CCDC178: variants seen among roughly 807,000 people sequenced by gnomAD.
CCDC178 encodes coiled-coil domain containing 178, also known as coiled-coil domain-containing protein 178.
CCDC178 carries 126 observed loss-of-function variants against 117.4 expected under a neutral mutation model. That is an observed-to-expected ratio of 1.07 (90% confidence interval 0.93 to 1.24). CCDC178 has a LOEUF of 1.24. CCDC178 is among the 50% of genes most tolerant of loss of function. The probability of loss-of-function intolerance (pLI) is 0.00; values close to 1 mark genes in which losing one functional copy is unlikely to be tolerated. For missense variants in CCDC178, 1,030 were observed against 986.9 expected, an observed-to-expected ratio of 1.04 and a Z score of -0.59; for synonymous variants, 283 against 313.4, an observed-to-expected ratio of 0.90 and a Z score of 1.02.
At chr18:33,304,905 CAT>C (rs1227731161) in intron 11 of CCDC178, among the ~76,000 whole-genome samples, 7 of 152,152 alleles carry the variant, frequency 4.6e-5, no homozygotes, top group Admixed American at 2.6e-4. Flanking sequence ...CCAGAAAAGA[CAT>C]AAACATTCCT....
chr18:33,263,886 C>T (rs1044221949), intron 14 of CCDC178, among the ~76,000 whole-genome samples: 1 of 151,594 alleles, frequency 6.6e-6, no homozygotes, highest in Non-Finnish European at 1.5e-5. Flanking sequence ...AAATAGTGTT[C>T]AGAAGCAAGT....
intron 20 of CCDC178, among the ~76,000 whole-genome samples, chr18:33,177,781 A>T (rs1353425232): frequency 1.3e-5 from 2 of 151,994 alleles, no homozygotes; most frequent in African/African-American, 4.8e-5. Flanking sequence ...TGATCTATTA[A>T]TTATCTCTAG....
At chr18:33,248,097 T>TA (rs1377858628) in intron 14 of CCDC178, among the ~76,000 whole-genome samples, 3 of 151,740 alleles carry the variant, frequency 2.0e-5, no homozygotes, top group South Asian at 2.1e-4. Context: ...ATATTAAAGA[T>TA]ACTTATTAAG....
chr18:33,347,278 G>A (rs1284057368), intron 8 of CCDC178, among the ~76,000 whole-genome samples: 1 of 152,126 alleles, frequency 6.6e-6, no homozygotes, highest in East Asian at 1.9e-4. Flanking sequence ...CAAGAAGAAA[G>A]AAAACGAATA....
intron 21 of CCDC178, among the ~76,000 whole-genome samples, chr18:33,023,783 A>T (rs1391073371): frequency 1.3e-5 from 2 of 152,162 alleles, no homozygotes; most frequent in African/African-American, 4.8e-5. Flanking sequence ...AAAGATCTAA[A>T]TATATCTCTA....
chr18:33,048,091 AC>A (rs769511461), intron 21 of CCDC178, among the ~76,000 whole-genome samples: 28 of 152,180 alleles, frequency 1.8e-4, no homozygotes, highest in Non-Finnish European at 3.7e-4. Context: ...TAGTGAAAAG[AC>A]AGAGAAAGAA....
chr18:33,129,610 G>C (rs899132699), intron 20 of CCDC178, among the ~76,000 whole-genome samples: 1 of 151,822 alleles, frequency 6.6e-6, no homozygotes, highest in Non-Finnish European at 1.5e-5. Context: ...CTTGGATATG[G>C]TCCCATTAGA....
intron 21 of CCDC178, among the ~76,000 whole-genome samples, chr18:32,992,818 T>C (rs1467232428): frequency 6.6e-6 from 1 of 152,096 alleles, no homozygotes; most frequent in South Asian, 2.1e-4. Context: ...AAAATATAAT[T>C]AAAAACGTAA....
intron 20 of CCDC178, among the ~76,000 whole-genome samples, chr18:33,167,260 T>G (rs2058544190): frequency 6.6e-6 from 1 of 152,182 alleles, no homozygotes; most frequent in South Asian, 2.1e-4. Context: ...TGTGTCTTTA[T>G]GGTAGAGTGA....
At chr18:33,135,205 T>C (rs1431048768) in intron 20 of CCDC178, among the ~76,000 whole-genome samples, 6 of 152,078 alleles carry the variant, frequency 3.9e-5, no homozygotes, top group Non-Finnish European at 7.4e-5. Context: ...CTTGGATTTA[T>C]TGGCACAGTG....
At chr18:33,021,269 G>T (rs2056110941) in intron 21 of CCDC178, among the ~76,000 whole-genome samples, 1 of 152,196 alleles carries the variant, frequency 6.6e-6, no homozygotes, top group African/African-American at 2.4e-5. Flanking sequence ...ACATGAAGCA[G>T]TTCTCAATGG....
At chr18:32,997,701 T>G (rs1300152239) in intron 21 of CCDC178, among the ~76,000 whole-genome samples, 1 of 152,102 alleles carries the variant, frequency 6.6e-6, no homozygotes, top group Admixed American at 6.6e-5. Flanking sequence ...ATATTATCTA[T>G]CTATTCGTCT....
chr18:33,342,580 C>T (rs2062830430), intron 9 of CCDC178, among the ~76,000 whole-genome samples: 2 of 152,138 alleles, frequency 1.3e-5, no homozygotes, highest in South Asian at 2.1e-4. Context: ...TTTCTATTCA[C>T]CCTTTTGTAT....
intron 3 of CCDC178, among the ~76,000 whole-genome samples, chr18:33,411,290 T>C (rs1368571915): frequency 6.6e-6 from 1 of 152,204 alleles, no homozygotes; most frequent in Non-Finnish European, 1.5e-5. Flanking sequence ...CTGGAAAGCA[T>C]CAGATAGTAA....
intron 20 of CCDC178, among the ~76,000 whole-genome samples, chr18:33,146,240 A>G (rs941686203): frequency 6.6e-6 from 1 of 152,216 alleles, no homozygotes; most frequent in African/African-American, 2.4e-5. Context: ...TGTTTCGCAA[A>G]GTATTACAAG....
At chr18:33,379,250 C>A (rs557859822) in intron 5 of CCDC178, among the ~76,000 whole-genome samples, 178 of 139,324 alleles carry the variant, frequency 1.3e-3, no homozygotes, top group Middle Eastern at 3.6e-3. Flanking sequence ...TAATCCCCTC[C>A]CTAGGAGTGT....
chr18:33,204,909 C>A (rs1030590384), intron 20 of CCDC178, among the ~76,000 whole-genome samples: 6 of 151,802 alleles, frequency 4.0e-5, no homozygotes, highest in Admixed American at 2.0e-4. Flanking sequence ...GATAAGAAAG[C>A]CATAATTCTT....
chr18:33,126,103 A>G (rs1317004316), intron 20 of CCDC178, among the ~76,000 whole-genome samples: 1 of 152,124 alleles, frequency 6.6e-6, no homozygotes, highest in East Asian at 1.9e-4. Context: ...GACAGGAGAC[A>G]AGTGTGAATG....
chr18:33,316,244 G>C (rs11873328), intron 11 of CCDC178, among the ~76,000 whole-genome samples: 1,806 of 152,300 alleles, frequency 0.012, 19 homozygotes, highest in Non-Finnish European at 0.018. Flanking sequence ...GCGCCGGCGG[G>C]AACCGGGGCT....
Sources: gnomAD v4.1 joint callset for allele counts (sites outside exome capture counted in the v4.1 genomes callset) on GRCh38, gnomAD v4.1.1 for gene constraint, MANE v1.5 for transcripts, NCBI Gene and HGNC (gene_info 2026-07-23, HGNC 2026-07-21) for gene names.